Variants in PRKG1 observed in about 807,000 individuals in gnomAD.
PRKG1 encodes cGMP-dependent protein kinase 1.
A neutral mutation model predicts 88.1 loss-of-function variants in PRKG1; 35 were observed. That is an observed-to-expected ratio of 0.40 (90% CI 0.30 to 0.53). PRKG1 has a LOEUF of 0.53. Ranked by LOEUF, PRKG1 falls within the 20% of genes least tolerant of loss-of-function variation. The pLI, the probability that PRKG1 is intolerant of heterozygous loss-of-function variation, is 0.59. For missense variants in PRKG1, 540 were observed against 839.8 expected (o/e 0.64, Z 4.41); for synonymous variants, 303 against 292.5 (o/e 1.04, Z -0.37).
chr10:51,454,502 A>T (rs1046499572), intron 2 of PRKG1, among the ~76,000 whole-genome samples: 6 of 152,164 alleles, frequency 3.9e-5, no homozygotes, highest in African/African-American at 1.4e-4. Context: ...GCAAAAGGAC[A>T]CTTGTATTAG....
intron 4 of PRKG1, among the ~76,000 whole-genome samples, chr10:51,837,823 TGGTTTA>T (rs1840170332): frequency 6.6e-6 from 1 of 152,196 alleles, no homozygotes; most frequent in African/African-American, 2.4e-5. Context: ...ACTGATTAGA[TGGTTTA>T]GGATACTAAG....
intron 3 of PRKG1, among the ~76,000 whole-genome samples, chr10:51,595,137 A>G (rs1838411531): frequency 6.6e-6 from 1 of 152,154 alleles, no homozygotes; most frequent in Non-Finnish European, 1.5e-5. Context: ...GCTTGGGTCC[A>G]GCAGCTCAAG....
chr10:51,146,129 C>T (rs1693505262), intron 1 of PRKG1, among the ~76,000 whole-genome samples: 1 of 151,638 alleles, frequency 6.6e-6, no homozygotes, highest in Non-Finnish European at 1.5e-5. Flanking sequence ...GCGGAGCTTG[C>T]AGTGAGTCCA....
At chr10:51,551,942 G>A (rs960691010) in intron 3 of PRKG1, among the ~76,000 whole-genome samples, 20 of 151,644 alleles carry the variant, frequency 1.3e-4, no homozygotes, top group Admixed American at 1.2e-3. Context: ...AAGTATTTGA[G>A]GACCAATTTT....
intron 8 of PRKG1, among the ~76,000 whole-genome samples, chr10:52,159,748 A>G (rs1211752833): frequency 6.6e-6 from 1 of 151,896 alleles, no homozygotes; most frequent in Non-Finnish European, 1.5e-5. Context: ...ATTCAAATAG[A>G]TAATAGAAGG....
At chr10:51,193,369 G>T (rs1837679499) in intron 2 of PRKG1, among the ~76,000 whole-genome samples, 1 of 151,988 alleles carries the variant, frequency 6.6e-6, no homozygotes, top group Admixed American at 6.6e-5. Flanking sequence ...AGGGTCAGGG[G>T]ATCTTGACCT....
intron 1 of PRKG1, among the ~76,000 whole-genome samples, chr10:51,081,254 G>C (rs191065215): frequency 1.3e-5 from 2 of 152,270 alleles, no homozygotes; most frequent in Admixed American, 6.5e-5. Flanking sequence ...TGCATATCGA[G>C]GGAACAAGAA....
chr10:52,076,439 C>T (rs1199868904), intron 7 of PRKG1, among the ~76,000 whole-genome samples: 1 of 152,114 alleles, frequency 6.6e-6, no homozygotes, highest in Non-Finnish European at 1.5e-5. Flanking sequence ...CACCTGTGAT[C>T]CCAGCTGCTC....
chr10:52,131,729 C>G (rs769537084), intron 7 of PRKG1, among the ~76,000 whole-genome samples: 1 of 143,208 alleles, frequency 7.0e-6, no homozygotes, highest in African/African-American at 2.6e-5. Flanking sequence ...CTCCTGTAAT[C>G]CTAGCTACTT....
intron 2 of PRKG1, among the ~76,000 whole-genome samples, chr10:51,210,095 C>T (rs111289525): frequency 6.6e-6 from 1 of 152,000 alleles, no homozygotes; most frequent in Non-Finnish European, 1.5e-5. Context: ...TGTAAAAGAA[C>T]AGAAATTATA....
intron 5 of PRKG1, among the ~76,000 whole-genome samples, chr10:52,012,976 A>G (rs560634137): frequency 6.6e-6 from 1 of 152,298 alleles, no homozygotes; most frequent in East Asian, 1.9e-4. Context: ...AAATTCTCCA[A>G]TGTCACATTC....
In PRKG1 at chr10:52,294,222, T is replaced by C. The variant is rs369811640; in HGVS notation, c.*322T>C. On this transcript the variant is annotated 3_prime_UTR_variant, in exon 18 of 18. Coordinates refer to ENST00000373980, the MANE Select transcript of PRKG1 (RefSeq NM_006258.4). ...TAATTTGAAAGACTGTAGGAAACAC[T>C]TCAATGTAGTATAAGAGTCTGTACC... 2.2e-5 allele frequency: 5 copies of C among 226,284 alleles called. No homozygotes were observed. The East Asian group carries it at 3.1e-4, about 14-fold the overall frequency. The allele number at this position is 226,284 out of a possible 1,614,324, so 14.0% of individuals were successfully genotyped here.
chr10:51,988,239 G>A (rs987493776), intron 5 of PRKG1, among the ~76,000 whole-genome samples: 4 of 151,888 alleles, frequency 2.6e-5, no homozygotes, highest in Non-Finnish European at 4.4e-5. Context: ...ATTTATTTAC[G>A]AATGAATTTT....
intron 9 of PRKG1, among the ~76,000 whole-genome samples, chr10:52,215,344 A>C (rs1015688425): frequency 1.1e-4 from 17 of 151,808 alleles, no homozygotes; most frequent in Admixed American, 2.6e-4. Flanking sequence ...CAGTGAGTCA[A>C]GATCAGGCCA....
At chr10:51,422,029 A>G (rs1186877384) in intron 2 of PRKG1, among the ~76,000 whole-genome samples, 1 of 152,218 alleles carries the variant, frequency 6.6e-6, no homozygotes, top group East Asian at 1.9e-4. Context: ...CTCTATTTAT[A>G]GAGTGTTTGC....
chr10:51,804,836 A>C, intron 4 of PRKG1, 146 bp downstream of exon 4: 1 of 592,374 alleles, frequency 1.7e-6, no homozygotes. Flanking sequence ...AAGACTTCGA[A>C]CATGCTTCTT....
At chr10:51,317,226 A>G (rs1341750864) in intron 2 of PRKG1, among the ~76,000 whole-genome samples, 1 of 133,620 alleles carries the variant, frequency 7.5e-6, no homozygotes, top group African/African-American at 3.5e-5. Context: ...TTTTTTATAT[A>G]CATGGTTTAC....
chr10:51,216,476 A>C (rs956654123), intron 2 of PRKG1, among the ~76,000 whole-genome samples: 2 of 152,212 alleles, frequency 1.3e-5, no homozygotes, highest in East Asian at 3.8e-4. Flanking sequence ...TAAACAAGTT[A>C]CTTAACTTCT....
At chr10:51,520,862 A>G (rs766579374) in intron 3 of PRKG1, among the ~76,000 whole-genome samples, 2 of 152,252 alleles carry the variant, frequency 1.3e-5, no homozygotes, top group Non-Finnish European at 2.9e-5. Flanking sequence ...TGTATTACTT[A>G]TGAAAAACAT....
Sources: allele counts gnomAD v4.1 joint callset (sites outside exome capture counted in the v4.1 genomes callset), GRCh38; gene constraint gnomAD v4.1.1; transcripts MANE v1.5; gene names NCBI Gene and HGNC (gene_info 2026-07-23, HGNC 2026-07-21).